Variants in SHANK2 observed in about 807,000 individuals in gnomAD.
SHANK2 encodes the protein SH3 and multiple ankyrin repeat domains 2.
In SHANK2, 43 loss-of-function variants were observed where a neutral mutation model predicts 133.7. That is an observed-to-expected ratio of 0.32 (90% confidence interval 0.25 to 0.41). The LOEUF is 0.41. SHANK2 is among the 10% of genes least tolerant of loss of function. The pLI is 1.00. For missense variants in SHANK2, 1,994 were observed against 2,235.8 expected, an observed-to-expected ratio of 0.89 and a Z score of 2.18; for synonymous variants, 1,017 against 952.8, an observed-to-expected ratio of 1.07 and a Z score of -1.24.
Position 70,954,193 on chromosome 11 carries a change from G to T in SHANK2, c.1108-57626C>A, listed in dbSNP as rs186261170. Among the ~76,000 whole-genome samples, 117 of 152,350 alleles carry T rather than the reference G, an allele frequency of 7.7e-4. 4 individuals are homozygous for T. The highest frequency in any genetic ancestry group is 7.5e-3 in the Admixed American group (115 of 15,314). On this transcript the variant is annotated intron_variant, in intron 10 of 25. Transcript: ENST00000601538. The stretch of plus-strand genomic sequence containing the variant: ...AGGGAAGGCACAACCAAACAGTCTT[G>T]TTGGGGCTCATTTAACAAGGAAAGA...
At chr11:70,865,483 T>A (rs879983236) in intron 11 of SHANK2, among the ~76,000 whole-genome samples, 3 of 152,008 alleles carry the variant, frequency 2.0e-5, no homozygotes, top group Non-Finnish European at 4.4e-5. Context: ...GCGGGGGGTG[T>A]CTGAGAAAGT....
At chr11:70,570,049 T>C (rs1269971627) in intron 17 of SHANK2, among the ~76,000 whole-genome samples, 3 of 152,138 alleles carry the variant, frequency 2.0e-5, no homozygotes, top group Non-Finnish European at 4.4e-5. Context: ...CCTATGAAAC[T>C]TGAGCTGTTC....
intron 17 of SHANK2, among the ~76,000 whole-genome samples, chr11:70,639,193 TC>T (rs1157560900): frequency 3.3e-5 from 5 of 151,948 alleles, no homozygotes; most frequent in African/African-American, 1.2e-4. Context: ...GATGGCAGCC[TC>T]AGGAAATGGC....
At chr11:71,132,712 C>T (rs1435766052) in intron 3 of SHANK2, among the ~76,000 whole-genome samples, 2 of 152,134 alleles carry the variant, frequency 1.3e-5, no homozygotes, top group African/African-American at 4.8e-5. Context: ...TCCTTCTCTG[C>T]CTTTATCGAG....
chr11:70,750,248 G>A lies in SHANK2; in HGVS notation c.1777+48195C>T, dbSNP rs1946725793. Among the ~76,000 whole-genome samples the A allele has an allele frequency of 2.0e-5, 3 of 152,244 alleles. No individual in the cohort carries two copies. The South Asian group carries it at 6.2e-4, about 31-fold the overall frequency. On this transcript the variant is annotated intron_variant, in intron 14 of 25. Transcript: ENST00000601538. ...AAGCCACATGTGTATAACAAGTGTGGATAAAAAGAGCTTCAAGAAAAGGGA... is the reference window on the plus strand; with the variant it reads ...AAGCCACATGTGTATAACAAGTGTGAATAAAAAGAGCTTCAAGAAAAGGGA...
At chr11:70,716,582 G>C (rs1278333741) in intron 14 of SHANK2, among the ~76,000 whole-genome samples, 1 of 152,132 alleles carries the variant, frequency 6.6e-6, no homozygotes, top group Non-Finnish European at 1.5e-5. Flanking sequence ...TGGGGAGGAT[G>C]AGGTGGGTCC....
At chr11:70,717,796 T>G (rs182593318) in intron 14 of SHANK2, among the ~76,000 whole-genome samples, 1 of 147,290 alleles carries the variant, frequency 6.8e-6, no homozygotes, top group Non-Finnish European at 1.5e-5. Flanking sequence ...CATCTACTAC[T>G]GCCTGTTAAT....
intron 3 of SHANK2, among the ~76,000 whole-genome samples, chr11:71,124,212 ATG>A (rs1952135787): frequency 2.8e-5 from 1 of 35,098 alleles, no homozygotes. Flanking sequence ...GGTGGTGATG[ATG>A]ATGGTGACAA....
chr11:70,540,228 C>T (rs1485893105), intron 17 of SHANK2, among the ~76,000 whole-genome samples: 1 of 152,210 alleles, frequency 6.6e-6, no homozygotes, highest in Non-Finnish European at 1.5e-5. Flanking sequence ...ATGCTTGTCT[C>T]ATCTCACATG....
At chr11:70,719,783 C>T (rs1352042305) in intron 14 of SHANK2, among the ~76,000 whole-genome samples, 7 of 151,224 alleles carry the variant, frequency 4.6e-5, no homozygotes, top group South Asian at 2.1e-4. Flanking sequence ...CGGCAGCACA[C>T]GAGATCCTCT....
At chr11:70,639,409 C>A (rs2061148325) in intron 17 of SHANK2, among the ~76,000 whole-genome samples, 1 of 152,088 alleles carries the variant, frequency 6.6e-6, no homozygotes, top group African/African-American at 2.4e-5. Flanking sequence ...CTTCAAAGGG[C>A]AGAAGGGGCA....
chr11:70,565,827 CATTATT>C (rs1213081787), intron 17 of SHANK2, among the ~76,000 whole-genome samples: 1 of 152,050 alleles, frequency 6.6e-6, no homozygotes, highest in African/African-American at 2.4e-5. Context: ...CAGAAGTAGG[CATTATT>C]ATTATTATTT....
chr11:71,247,117 T>C (rs1954970650), intron 1 of SHANK2, among the ~76,000 whole-genome samples: 1 of 152,170 alleles, frequency 6.6e-6, no homozygotes, highest in South Asian at 2.1e-4. Context: ...ATAAAATTCT[T>C]TGGGGAAGTG....
intron 10 of SHANK2, chr11:70,950,219 C>G (rs563663197): frequency 2.3e-6 from 1 of 443,776 alleles, no homozygotes; most frequent in African/African-American, 2.0e-5. Context: ...CTCTATGGCC[C>G]AGGCTGGAGT....
chr11:70,607,151 G>A (rs977466691), intron 17 of SHANK2, among the ~76,000 whole-genome samples: 10 of 152,254 alleles, frequency 6.6e-5, no homozygotes, highest in East Asian at 1.9e-4. Context: ...CTTCCTCCCC[G>A]GGCACCAACA....
intron 25 of SHANK2, among the ~76,000 whole-genome samples, chr11:70,481,882 C>G (rs1241744737): frequency 6.6e-6 from 1 of 152,260 alleles, no homozygotes; most frequent in Non-Finnish European, 1.5e-5. Context: ...AGGAGACATG[C>G]TGAGAGATAG....
chr11:71,191,893 C>T (rs1953801013), intron 2 of SHANK2, among the ~76,000 whole-genome samples: 1 of 150,772 alleles, frequency 6.6e-6, no homozygotes, highest in South Asian at 2.1e-4. Context: ...TAGAGTCTCG[C>T]TCTGTCGCCC....
At chr11:70,502,009 G>T in intron 19 of SHANK2, 78 bp from the exon 20 acceptor site, 1 of 1,475,670 alleles carries the variant, frequency 6.8e-7, no homozygotes, top group Non-Finnish European at 9.3e-7. Flanking sequence ...TAGCAACAAC[G>T]CCCCGCGAGG....
At chr11:70,562,854 T>C (rs1554981142) in intron 17 of SHANK2, among the ~76,000 whole-genome samples, 1 of 152,134 alleles carries the variant, frequency 6.6e-6, no homozygotes, top group African/African-American at 2.4e-5. Flanking sequence ...ATTTTCTGCC[T>C]TCTTTTGGGT....
Sources: allele counts gnomAD v4.1 joint callset (sites outside exome capture counted in the v4.1 genomes callset), GRCh38; gene constraint gnomAD v4.1.1; transcripts MANE v1.5; gene names NCBI Gene and HGNC (gene_info 2026-07-23, HGNC 2026-07-21).